The following ASTN1 variants were observed in gnomAD, a reference collection of about 807,000 sequenced individuals.
ASTN1 encodes astrotactin-1.
Under a neutral mutation model 140.7 loss-of-function variants are expected in ASTN1, and 41 were observed. The observed-to-expected ratio is 0.29, with a 90% CI of 0.23 to 0.38. The LOEUF is 0.38. Among genes scored for constraint, ASTN1 ranks in the 10% least tolerant of loss-of-function variants. The probability of loss-of-function intolerance (pLI) is 1.00; values close to 1 mark genes in which losing one functional copy is unlikely to be tolerated. For missense variants in ASTN1, 1,479 were observed against 1,678.8 expected (o/e 0.88, Z 2.08); for synonymous variants, 640 against 652.2 (o/e 0.98, Z 0.29).
chr1:177,039,369 CCT>C (rs1198518328), intron 2 of ASTN1, among the ~76,000 whole-genome samples: 2 of 152,146 alleles, frequency 1.3e-5, no homozygotes, highest in Non-Finnish European at 1.5e-5. Flanking sequence ...GGGTAAACAC[CCT>C]CTCTCTGATA....
intron 8 of ASTN1, among the ~76,000 whole-genome samples, chr1:176,972,322 G>C (rs986780734): frequency 6.6e-6 from 1 of 152,066 alleles, no homozygotes; most frequent in African/African-American, 2.4e-5. Flanking sequence ...TGAGGTTAGC[G>C]GTCAGGGATA....
At chr1:176,887,915 CT>C (rs1669105000) in intron 18 of ASTN1, among the ~76,000 whole-genome samples, 155 bp downstream of exon 18, 1 of 152,208 alleles carries the variant, frequency 6.6e-6, no homozygotes, top group African/African-American at 2.4e-5. Flanking sequence ...CTAAAACCAT[CT>C]GTGCTGCCTC....
chr1:177,097,614 A>G (rs1160943845), intron 1 of ASTN1, among the ~76,000 whole-genome samples: 1 of 152,180 alleles, frequency 6.6e-6, no homozygotes, highest in South Asian at 2.1e-4. Context: ...TGATAAGGGT[A>G]AGAGGAGGAA....
In ASTN1 at chr1:176,952,220, C is replaced by T. The variant is rs1672218364; in HGVS notation, c.1888-2869G>A. On this transcript the variant is annotated intron_variant, in intron 11 of 22. Transcript: ENST00000361833. ...GGGGTCAATTATGGATTTGTAGATT[C>T]AGCCTAGTATTTTCTTTCTTTCTTT... Among the ~76,000 whole-genome samples the T allele has an allele frequency of 2.0e-5, 3 of 151,396 alleles. No individual in the cohort carries two copies. In the South Asian group the frequency reaches 6.3e-4, roughly 32 times the overall value.
intron 16 of ASTN1, among the ~76,000 whole-genome samples, chr1:176,931,199 G>T (rs1671190956): frequency 6.6e-6 from 1 of 152,236 alleles, no homozygotes; most frequent in African/African-American, 2.4e-5. Flanking sequence ...GGGCACGGTG[G>T]CTCACGCCTG....
chr1:177,147,575 G>A (rs1682774502), intron 1 of ASTN1, among the ~76,000 whole-genome samples: 1 of 152,116 alleles, frequency 6.6e-6, no homozygotes, highest in Non-Finnish European at 1.5e-5. Flanking sequence ...GACGTATAAG[G>A]CAGAATGAAA....
chr1:177,043,997 T>C (rs1677094401), intron 2 of ASTN1, among the ~76,000 whole-genome samples: 1 of 152,128 alleles, frequency 6.6e-6, no homozygotes, highest in Non-Finnish European at 1.5e-5. Context: ...AGAGGCCTGG[T>C]TTGTGAAGGC....
chr1:177,005,375 T>A (rs1313320979), intron 8 of ASTN1, among the ~76,000 whole-genome samples: 17 of 152,190 alleles, frequency 1.1e-4, no homozygotes, highest in Non-Finnish European at 8.8e-5. Context: ...ACACTGCTAG[T>A]GGGAATGTAA....
At chr1:177,045,001 T>A (rs1677150888) in intron 2 of ASTN1, among the ~76,000 whole-genome samples, 1 of 151,854 alleles carries the variant, frequency 6.6e-6, no homozygotes, top group South Asian at 2.1e-4. Context: ...GGGTAATAGG[T>A]CTTTTTTTTT....
chr1:176,946,215 G>T, intron 12 of ASTN1, 95 bp from the exon 13 acceptor site: 1 of 1,163,916 alleles, frequency 8.6e-7, no homozygotes, highest in Non-Finnish European at 1.2e-6. Context: ...GCCTTTGACA[G>T]CATGTTGGAT....
intron 13 of ASTN1, among the ~76,000 whole-genome samples, chr1:176,945,302 A>C (rs1188621121): frequency 6.6e-6 from 1 of 152,246 alleles, no homozygotes; most frequent in East Asian, 1.9e-4. Flanking sequence ...TTAGAAGTTA[A>C]AATAGAAATT....
chr1:176,934,529 T>G (rs1671349613), intron 15 of ASTN1, among the ~76,000 whole-genome samples, 189 bp from the exon 16 acceptor site: 1 of 152,320 alleles, frequency 6.6e-6, no homozygotes, highest in South Asian at 2.1e-4. Flanking sequence ...AGTGAGTATC[T>G]TTTAAGCCAG....
chr1:176,977,433 T>C (rs1379791522), intron 8 of ASTN1, among the ~76,000 whole-genome samples: 3 of 152,240 alleles, frequency 2.0e-5, no homozygotes, highest in African/African-American at 7.2e-5. Context: ...CACTGATTCA[T>C]TCCTCAAGTG....
At chr1:177,144,112 C>T (rs1372837808) in intron 1 of ASTN1, among the ~76,000 whole-genome samples, 1 of 150,402 alleles carries the variant, frequency 6.6e-6, no homozygotes, top group African/African-American at 2.4e-5. Context: ...TTCACATGCT[C>T]TAATTTGTGC....
chr1:177,021,343 A>C (rs980664358), intron 7 of ASTN1, among the ~76,000 whole-genome samples: 2 of 152,204 alleles, frequency 1.3e-5, no homozygotes, highest in African/African-American at 4.8e-5. Context: ...TTCAGCAGGG[A>C]TTAGAAATGA....
At chr1:176,882,728 C>T in intron 20 of ASTN1, 131 bp downstream of exon 20, 1 of 1,297,094 alleles carries the variant, frequency 7.7e-7, no homozygotes, top group Non-Finnish European at 1.1e-6. Flanking sequence ...ATAATGCCAC[C>T]TGGGATAAGA....
rs1191674036 is a variant in ASTN1, at chr1:177,121,937, T to C, written c.283+42457A>G. Among the ~76,000 whole-genome samples, 3 of 152,240 alleles carry C rather than the reference T, an allele frequency of 2.0e-5. No individual in the cohort carries two copies. In the East Asian group the frequency reaches 5.8e-4, roughly 30 times the overall value. ...AGCTCAGGGATGTTGTCAACAGGATTGAAGCAGATGCAAGAAAATGAGAGG... is the reference window on the plus strand; with the variant it reads ...AGCTCAGGGATGTTGTCAACAGGATCGAAGCAGATGCAAGAAAATGAGAGG... On this transcript the variant is annotated intron_variant, in intron 1 of 22. Coordinates refer to ENST00000361833, the MANE Select transcript of ASTN1 (RefSeq NM_004319.3).
chr1:176,968,205 T>C (rs1463430160), intron 8 of ASTN1, among the ~76,000 whole-genome samples: 1 of 152,240 alleles, frequency 6.6e-6, no homozygotes, highest in African/African-American at 2.4e-5. Flanking sequence ...AACTAGCTAA[T>C]GTAATTAAAG....
chr1:176,870,153 G>T (rs1420784119), intron 21 of ASTN1, among the ~76,000 whole-genome samples: 1 of 152,076 alleles, frequency 6.6e-6, no homozygotes, highest in African/African-American at 2.4e-5. Context: ...CTTTTAATTT[G>T]TCCAAAAGGA....
Sources: allele counts gnomAD v4.1 joint callset (sites outside exome capture counted in the v4.1 genomes callset), GRCh38; gene constraint gnomAD v4.1.1; transcripts MANE v1.5; gene names NCBI Gene and HGNC (gene_info 2026-07-23, HGNC 2026-07-21).